SLC35F4: variants seen among roughly 807,000 people sequenced by gnomAD.
SLC35F4 encodes the protein chromosome 14 open reading frame 36.
Under a neutral mutation model 44.2 loss-of-function variants are expected in SLC35F4, and 24 were observed. The observed-to-expected ratio is 0.54, with a 90% CI of 0.39 to 0.76. SLC35F4 has a LOEUF of 0.76. Ranked by LOEUF, SLC35F4 falls within the 30% of genes least tolerant of loss-of-function variation. The pLI is 0.00. For missense variants in SLC35F4, 562 were observed against 586.1 expected (o/e 0.96, Z 0.42); for synonymous variants, 238 against 223.6 (o/e 1.06, Z -0.57).
At chr14:57,799,018 C>T (rs977081936) in intron 1 of SLC35F4, among the ~76,000 whole-genome samples, 1 of 152,178 alleles carries the variant, frequency 6.6e-6, no homozygotes, top group African/African-American at 2.4e-5. Flanking sequence ...GGGATTGACA[C>T]AAGATGTCCA....
intron 1 of SLC35F4, among the ~76,000 whole-genome samples, chr14:57,755,776 A>G (rs2076980816): frequency 6.6e-6 from 1 of 152,230 alleles, no homozygotes; most frequent in Non-Finnish European, 1.5e-5. Context: ...TGACCTCACA[A>G]TGATCCCGCA....
intron 1 of SLC35F4, among the ~76,000 whole-genome samples, chr14:57,607,018 G>A (rs1418587294): frequency 6.6e-6 from 1 of 152,124 alleles, no homozygotes; most frequent in African/African-American, 2.4e-5. Context: ...TTTTTTTATG[G>A]TCCAGCAGGG....
chr14:57,711,391 G>A (rs968091934), intron 1 of SLC35F4, among the ~76,000 whole-genome samples: 6 of 152,042 alleles, frequency 3.9e-5, no homozygotes, highest in African/African-American at 1.2e-4. Context: ...GCGTGAGAAT[G>A]GACTGATACA....
At position 57,769,675 on chromosome 14, in the gene SLC35F4, G is replaced by C. The variant is rs138646445; in HGVS notation, c.103+96048C>G. On this transcript the variant is annotated intron_variant, in intron 1 of 7. Transcript: ENST00000556826. ...AACCAGAAAAACTTAGTCAGTGCTA[G>C]AAGAGCCACATCATCCCCTGCTACA... Among the ~76,000 whole-genome samples, 1,020 of 152,326 alleles carry C rather than the reference G, an allele frequency of 6.7e-3. 14 individuals are homozygous for C. Among genetic ancestry groups the C allele is most frequent in the African/African-American group, 0.023 (962 of 41,568 alleles).
intron 1 of SLC35F4, among the ~76,000 whole-genome samples, chr14:57,758,668 G>A (rs2077052644): frequency 6.6e-6 from 1 of 151,688 alleles, no homozygotes; most frequent in Non-Finnish European, 1.5e-5. Context: ...CTTTATTATG[G>A]GTCATATTTT....
chr14:57,916,328 T>C (rs937952695), intron 1 of SLC35F4, among the ~76,000 whole-genome samples: 7 of 152,238 alleles, frequency 4.6e-5, no homozygotes, highest in African/African-American at 1.7e-4. Context: ...ACCGTTATGA[T>C]GGCAATTAAA....
intron 4 of SLC35F4, among the ~76,000 whole-genome samples, chr14:57,573,991 AATAC>A (rs371683075): frequency 7.2e-5 from 11 of 152,316 alleles, no homozygotes; most frequent in African/African-American, 2.4e-4. Flanking sequence ...AGCATTCTAT[AATAC>A]ATAATACATG....
chr14:57,585,011 AATATAAAAT>A (rs1425945652), intron 3 of SLC35F4, among the ~76,000 whole-genome samples: 1 of 152,212 alleles, frequency 6.6e-6, no homozygotes, highest in African/African-American at 2.4e-5. Context: ...ATGGGAATCA[AATATAAAAT>A]ATCTTTAGTA....
At chr14:57,595,465 C>T (rs1043147276) in intron 1 of SLC35F4, among the ~76,000 whole-genome samples, 1 of 152,130 alleles carries the variant, frequency 6.6e-6, no homozygotes, top group African/African-American at 2.4e-5. Context: ...TAGCCAGTCA[C>T]TAAGTCCAGC....
intron 1 of SLC35F4, among the ~76,000 whole-genome samples, chr14:57,696,737 T>TA (rs777027395): frequency 6.6e-5 from 10 of 152,150 alleles, no homozygotes; most frequent in African/African-American, 1.9e-4. Flanking sequence ...TATGCAGCTG[T>TA]AAAAAAGGAT....
intron 1 of SLC35F4, among the ~76,000 whole-genome samples, chr14:57,812,179 TG>T (rs2140888237): frequency 6.6e-6 from 1 of 152,206 alleles, no homozygotes; most frequent in African/African-American, 2.4e-5. Flanking sequence ...AAATATAGCT[TG>T]TGTGGTGTCA....
chr14:57,818,391 C>A (rs7144296), intron 1 of SLC35F4, among the ~76,000 whole-genome samples: 4,555 of 152,184 alleles, frequency 0.03, 208 homozygotes, highest in African/African-American at 0.1. Context: ...GGGGCTTGAC[C>A]ACGAAGCTAT....
chr14:57,968,565 G>T (rs1018195986), intron 1 of SLC35F4, among the ~76,000 whole-genome samples: 1 of 152,180 alleles, frequency 6.6e-6, no homozygotes, highest in Non-Finnish European at 1.5e-5. Context: ...CTAGAGCAAT[G>T]GTTCTCAATG....
intron 3 of SLC35F4, among the ~76,000 whole-genome samples, chr14:57,588,176 T>C (rs2069905431): frequency 6.6e-6 from 1 of 152,138 alleles, no homozygotes; most frequent in Non-Finnish European, 1.5e-5. Flanking sequence ...CAAATGGAAA[T>C]GGAATTTGAA....
intron 1 of SLC35F4, among the ~76,000 whole-genome samples, chr14:57,610,494 A>G (rs932201620): frequency 6.6e-6 from 1 of 152,194 alleles, no homozygotes; most frequent in Non-Finnish European, 1.5e-5. Flanking sequence ...ATGAGGTTCA[A>G]TTTGGGCTGT....
chr14:57,851,387 T>G (rs761912852), intron 1 of SLC35F4, among the ~76,000 whole-genome samples: 1 of 152,154 alleles, frequency 6.6e-6, no homozygotes, highest in South Asian at 2.1e-4. Context: ...ATATGTGCAT[T>G]TGGGGGATAG....
intron 4 of SLC35F4, chr14:57,578,505 A>G (rs2068988422): frequency 6.6e-6 from 1 of 151,896 alleles, no homozygotes; most frequent in Admixed American, 6.6e-5. Context: ...TGTTCTCAAT[A>G]TGTCTTGGGA....
intron 1 of SLC35F4, among the ~76,000 whole-genome samples, chr14:57,956,094 T>A (rs1296576978): frequency 2.0e-5 from 3 of 152,092 alleles, no homozygotes; most frequent in Non-Finnish European, 4.4e-5. Flanking sequence ...AAAAAAGATA[T>A]ATAGACCAAT....
At chr14:57,813,673 A>G (rs1376019052) in intron 1 of SLC35F4, among the ~76,000 whole-genome samples, 1 of 152,250 alleles carries the variant, frequency 6.6e-6, no homozygotes, top group Non-Finnish European at 1.5e-5. Context: ...TAATACTTAT[A>G]AAAAGCAGCT....
Sources: gnomAD v4.1 joint callset for allele counts (sites outside exome capture counted in the v4.1 genomes callset) on GRCh38, gnomAD v4.1.1 for gene constraint, MANE v1.5 for transcripts, NCBI Gene and HGNC (gene_info 2026-07-23, HGNC 2026-07-21) for gene names.